CHST9: variants seen among roughly 807,000 people sequenced by gnomAD.
CHST9 encodes carbohydrate sulfotransferase 9.
A neutral mutation model predicts 44.4 loss-of-function variants in CHST9; 41 were observed. The observed-to-expected ratio is 0.92, with a 90% CI of 0.72 to 1.20. The LOEUF is 1.20. CHST9 is among the 50% of genes most tolerant of loss of function. CHST9 has a pLI of 0.00. For synonymous variants in CHST9, 171 were observed against 178.4 expected, an observed-to-expected ratio of 0.96 and a Z score of 0.33; for missense variants, 504 against 516.5, an observed-to-expected ratio of 0.98 and a Z score of 0.23.
intron 1 of CHST9, among the ~76,000 whole-genome samples, chr18:27,162,408 C>A (rs1373826660): frequency 6.6e-6 from 1 of 152,014 alleles, no homozygotes; most frequent in Non-Finnish European, 1.5e-5. Flanking sequence ...GTTGAAAATT[C>A]TTTTCTTTAA....
At chr18:27,017,440 A>C (rs2057168197) in intron 4 of CHST9, among the ~76,000 whole-genome samples, 1 of 152,226 alleles carries the variant, frequency 6.6e-6, no homozygotes, top group African/African-American at 2.4e-5. Flanking sequence ...AAAAGGAGTG[A>C]ATGACTGATA....
chr18:26,939,485 T>C (rs2056049591), intron 5 of CHST9, among the ~76,000 whole-genome samples: 1 of 152,186 alleles, frequency 6.6e-6, no homozygotes, highest in Non-Finnish European at 1.5e-5. Flanking sequence ...GAATCACATA[T>C]TGAGTTTTTG....
chr18:27,030,961 T>TCAGC (rs1378265448), intron 3 of CHST9, among the ~76,000 whole-genome samples: 1 of 152,218 alleles, frequency 6.6e-6, no homozygotes, highest in African/African-American at 2.4e-5. Flanking sequence ...CATGCAATCA[T>TCAGC]CAAGATTTTC....
intron 4 of CHST9, among the ~76,000 whole-genome samples, chr18:26,960,072 T>C (rs746714688): frequency 6.6e-6 from 1 of 152,078 alleles, no homozygotes; most frequent in Non-Finnish European, 1.5e-5. Flanking sequence ...AGAAGTAAGT[T>C]TGGTGAGCAA....
intron 4 of CHST9, among the ~76,000 whole-genome samples, chr18:27,001,356 C>A (rs766158028): frequency 2.7e-4 from 41 of 152,158 alleles, no homozygotes; most frequent in Non-Finnish European, 5.0e-4. Flanking sequence ...ACATTCCATG[C>A]CCAAGGAGGG....
chr18:26,982,705 T>C (rs1324934124), intron 4 of CHST9, among the ~76,000 whole-genome samples: 1 of 152,146 alleles, frequency 6.6e-6, no homozygotes, highest in Non-Finnish European at 1.5e-5. Flanking sequence ...ATCTCTGTGT[T>C]CCTAACCTCC....
intron 1 of CHST9, among the ~76,000 whole-genome samples, chr18:27,148,656 A>G (rs1490187464): frequency 2.0e-5 from 3 of 150,582 alleles, no homozygotes; most frequent in Admixed American, 1.3e-4. Flanking sequence ...CCAGTCTATC[A>G]ATGTTGGACA....
chr18:26,922,784 T>C (rs1403550999), intron 5 of CHST9, among the ~76,000 whole-genome samples: 4 of 151,992 alleles, frequency 2.6e-5, no homozygotes, highest in African/African-American at 9.7e-5. Flanking sequence ...TACAGGCGCA[T>C]GCCACCACAC....
intron 2 of CHST9, among the ~76,000 whole-genome samples, chr18:27,130,556 A>G (rs2058462954): frequency 6.6e-6 from 1 of 152,258 alleles, no homozygotes; most frequent in Non-Finnish European, 1.5e-5. Context: ...ATATGGAAGC[A>G]TAGAATTTTG....
intron 2 of CHST9, among the ~76,000 whole-genome samples, chr18:27,108,405 G>A (rs1036351062): frequency 1.3e-5 from 2 of 151,996 alleles, no homozygotes; most frequent in African/African-American, 4.8e-5. Flanking sequence ...TTCTAGTGTG[G>A]GCAAGTATTT....
At chr18:26,923,414 C>A (rs905517001) in intron 5 of CHST9, among the ~76,000 whole-genome samples, 1 of 152,102 alleles carries the variant, frequency 6.6e-6, no homozygotes, top group East Asian at 1.9e-4. Flanking sequence ...TCTATATAAC[C>A]CCCACTAGCA....
At chr18:26,923,628 A>G (rs1217616549) in intron 5 of CHST9, among the ~76,000 whole-genome samples, 2 of 152,204 alleles carry the variant, frequency 1.3e-5, no homozygotes, top group Non-Finnish European at 2.9e-5. Flanking sequence ...TCTTTCATCA[A>G]TGCACATATA....
intron 2 of CHST9, among the ~76,000 whole-genome samples, chr18:27,084,843 T>C (rs2057995702): frequency 6.6e-6 from 1 of 152,066 alleles, no homozygotes; most frequent in South Asian, 2.1e-4. Flanking sequence ...GATACTAGTA[T>C]GCTGTATCTC....
chr18:27,029,705 T>G (rs1195996101), intron 3 of CHST9, among the ~76,000 whole-genome samples: 1 of 152,182 alleles, frequency 6.6e-6, no homozygotes, highest in African/African-American at 2.4e-5. Context: ...TTCATAGTTG[T>G]GATATGGTAT....
intron 2 of CHST9, among the ~76,000 whole-genome samples, chr18:27,099,653 C>T (rs1221240043): frequency 6.6e-6 from 1 of 151,894 alleles, no homozygotes; most frequent in Non-Finnish European, 1.5e-5. Flanking sequence ...AAATCAAAAC[C>T]ATTATGAGAT....
chr18:27,086,322 T>C (rs538464552), intron 2 of CHST9, among the ~76,000 whole-genome samples: 3 of 152,350 alleles, frequency 2.0e-5, no homozygotes, highest in Admixed American at 6.5e-5. Context: ...AATTTTTCTT[T>C]TGACAAATTA....
chr18:27,012,696 C>G (rs757153386), intron 4 of CHST9, among the ~76,000 whole-genome samples: 1 of 152,118 alleles, frequency 6.6e-6, no homozygotes, highest in Non-Finnish European at 1.5e-5. Context: ...CAAGGTAGAA[C>G]AAGTTTTCCC....
intron 4 of CHST9, among the ~76,000 whole-genome samples, chr18:26,965,819 A>G (rs1307923896): frequency 6.6e-6 from 1 of 152,194 alleles, no homozygotes; most frequent in African/African-American, 2.4e-5. Context: ...TCAGAGCCTC[A>G]TGGTCAACTG....
chr18:27,080,434 T>G (rs1401253036), intron 2 of CHST9, among the ~76,000 whole-genome samples: 2 of 151,928 alleles, frequency 1.3e-5, no homozygotes, highest in Non-Finnish European at 2.9e-5. Flanking sequence ...TTTCGTCACA[T>G]TGTTTTTGAA....
Sources: gnomAD v4.1 joint callset for allele counts (sites outside exome capture counted in the v4.1 genomes callset) on GRCh38, gnomAD v4.1.1 for gene constraint, MANE v1.5 for transcripts, NCBI Gene and HGNC (gene_info 2026-07-23, HGNC 2026-07-21) for gene names.